PUS7L: variants seen among roughly 807,000 people sequenced by gnomAD.
The protein encoded by PUS7L is pseudouridine synthase 7 like, also known as pseudouridylate synthase PUS7L.
A neutral mutation model predicts 51.1 loss-of-function variants in PUS7L; 49 were observed. The ratio of observed to expected loss-of-function variants is 0.96; its 90% CI spans 0.76 to 1.22. The LOEUF (loss-of-function observed/expected upper bound fraction) is 1.22, where lower values mean the gene tolerates loss of function less well. Ranked by LOEUF, PUS7L falls within the 50% of genes most tolerant of loss-of-function variation. PUS7L has a pLI of 0.00. For missense variants in PUS7L, 828 were observed against 820.6 expected (o/e 1.01, Z -0.11); for synonymous variants, 277 against 276.2 (o/e 1.00, Z -0.03).
At chr12:43,732,707 G>C (rs1944586640) in intron 7 of PUS7L, among the ~76,000 whole-genome samples, 1 of 152,224 alleles carries the variant, frequency 6.6e-6, no homozygotes, top group African/African-American at 2.4e-5. Context: ...ACACGGTACA[G>C]TGTCTAGAGC....
Position 43,736,420 on chromosome 12 carries a change from CA to C in PUS7L, c.1685del (p.Leu562TrpfsTer18), listed in dbSNP as rs2137680357. On this transcript the variant is annotated frameshift_variant, in exon 7 of 9. Transcript: ENST00000344862. LOFTEE classifies it high-confidence loss of function. The stretch of plus-strand genomic sequence containing the variant: ...AATTCTCGTCATCAATGTCTTCATC[CA>C]AACAGACCAAATCACCCTGCACTAC... ...ARVVQGDLVCLDEDIDDENFP... is the reference protein window; with the variant it reads ...ARVVQGDLVCXDEDIDDENFP... 1 of 1,614,134 alleles carries C rather than the reference CA, an allele frequency of 6.2e-7. No individual in the cohort carries two copies. The highest frequency in any genetic ancestry group is 1.1e-5 in the South Asian group (1 of 91,082).
intron 7 of PUS7L, among the ~76,000 whole-genome samples, chr12:43,733,170 C>CCA (rs150731095): frequency 0.17 from 26,092 of 150,968 alleles, 3,359 homozygotes; most frequent in African/African-American, 0.37. Context: ...TCCATCTTGC[C>CCA]CACACACACA....
rs560824732 is a variant in PUS7L at position 43,736,742 on chromosome 12, C to T, written c.1445-81G>A. 1.6e-5 allele frequency: 20 copies of T among 1,282,064 alleles called. 1 individual carries two copies. In the South Asian group the frequency reaches 2.7e-4, roughly 18 times the overall value. 79.4% of individuals were successfully genotyped at this position (1,282,064 alleles called of 1,614,324 possible). A position where few individuals can be genotyped will look rare whatever the true frequency, so the allele number is the denominator to read the frequency against. On this transcript the variant is annotated intron_variant, in intron 6 of 8. Coordinates refer to ENST00000344862, the MANE Select transcript of PUS7L (RefSeq NM_031292.5). ...TAAAGGCTTTTGTTCTAATCTCAAA[C>T]TGAGGCAATGAACATGGGTATTAAG... is the stretch of plus-strand genomic sequence containing the variant.
intron 4 of PUS7L, among the ~76,000 whole-genome samples, chr12:43,744,037 A>T (rs1938044245): frequency 6.6e-6 from 1 of 152,172 alleles, no homozygotes; most frequent in Non-Finnish European, 1.5e-5. Flanking sequence ...GCTAAAACTA[A>T]GATTGTTTCT....
chr12:43,746,183 G>T lies in PUS7L; in HGVS notation c.1126C>A (p.Arg376=), dbSNP rs573099341. The T allele has an allele frequency of 6.7e-7, 1 of 1,500,672 alleles. No individual in the cohort carries two copies. The highest frequency in any genetic ancestry group is 1.2e-5 in the South Asian group (1 of 82,652). 93.0% of individuals were successfully genotyped at this position (1,500,672 alleles called of 1,614,324 possible). Residue 376 remains arginine (R), a synonymous_variant, in exon 4 of 9, where the codon CGG becomes AGG. Coordinates refer to ENST00000344862, the MANE Select transcript of PUS7L (RefSeq NM_031292.5). ...EKKRMNVFNI[R]SVDDSLRLGQ... Reference sequence around the variant, plus strand: ...AGTCTCAGGGAATCATCTACAGACCGAATATTAAAGACATTCATTCTTTTC... The same window carrying T: ...AGTCTCAGGGAATCATCTACAGACCTAATATTAAAGACATTCATTCTTTTC...
At position 43,724,909 on chromosome 12, in the gene PUS7L, T is replaced by C. The variant is rs1944435374; in HGVS notation, c.*5467A>G. On this transcript the variant is annotated 3_prime_UTR_variant, in exon 9 of 9. Transcript: ENST00000344862. ...CCATCACATAAACAGGAAGCCAGAA[T>C]TGATTACCATAAATAAAAGGGAAGA... 1 of 152,194 alleles carries C rather than the reference T, an allele frequency of 6.6e-6. No homozygotes were observed. The highest frequency in any genetic ancestry group is 6.5e-5 in the Admixed American group (1 of 15,276). 9.4% of individuals were successfully genotyped at this position (152,194 alleles called of 1,614,324 possible).
chr12:43,744,538 G>C (rs550637042), intron 4 of PUS7L, among the ~76,000 whole-genome samples: 55 of 152,260 alleles, frequency 3.6e-4, no homozygotes, highest in African/African-American at 1.3e-3. Flanking sequence ...GTTAATTAAA[G>C]CACTTTTCTT....
In PUS7L at chr12:43,754,874, A is replaced by G; in HGVS notation, c.372T>C (p.Val124=). ...TTTTTTCATCCAAAAAGGAGCTTAA[A>G]ACATCAGCTTTTTCTTCACATTTGG... ...GTSKCEEKAD[V]LSSFLDEKTH... Residue 124 remains valine (V), a synonymous_variant, in exon 2 of 9, where the codon GTT becomes GTC. Transcript: ENST00000344862. The G allele has an allele frequency of 6.2e-7, 1 of 1,613,688 alleles. No individual in the cohort carries two copies. Among genetic ancestry groups the G allele is most frequent in the Non-Finnish European group, 8.5e-7 (1 of 1,179,822 alleles).
chr12:43,743,863 C>T (rs980799411), intron 4 of PUS7L, among the ~76,000 whole-genome samples: 1 of 152,044 alleles, frequency 6.6e-6, no homozygotes, highest in Non-Finnish European at 1.5e-5. Context: ...CATAAGATGA[C>T]GTCCTAGAGT....
intron 2 of PUS7L, among the ~76,000 whole-genome samples, chr12:43,753,175 T>G (rs1157610835): frequency 6.6e-6 from 1 of 152,176 alleles, no homozygotes; most frequent in South Asian, 2.1e-4. Context: ...CTGTTAACAC[T>G]TACTATATGC....
At chr12:43,741,130 T>G (rs774291003) in intron 5 of PUS7L, 3 of 152,186 alleles carry the variant, frequency 2.0e-5, no homozygotes, top group Non-Finnish European at 2.9e-5. Flanking sequence ...AAAGCAAAAT[T>G]TTTTAAAAAT....
chr12:43,749,734 C>A (rs1159005472), intron 2 of PUS7L, among the ~76,000 whole-genome samples: 6 of 152,090 alleles, frequency 3.9e-5, no homozygotes, highest in African/African-American at 1.4e-4. Flanking sequence ...GAAAATCATG[C>A]CCTTTGCAGC....
rs778722751 is a variant in PUS7L, at chr12:43,748,339, G to C, written c.1070+111C>G. On this transcript the variant is annotated intron_variant, in intron 3 of 8. Transcript: ENST00000344862. ...AACATGATTTATGAGACACTTTTCT[G>C]AATATAAATGCATATTTGAATGCAG... The C allele has an allele frequency of 1.1e-5, 7 of 629,116 alleles. No homozygotes were observed. The Admixed American group carries it at 2.0e-4, about 18-fold the overall frequency. The allele number at this position is 629,116 out of a possible 1,614,324, so 39.0% of individuals were successfully genotyped here. A position where few individuals can be genotyped will look rare whatever the true frequency, so the allele number is the denominator to read the frequency against.
In PUS7L at chr12:43,754,420, C is replaced by T; in HGVS notation, c.826G>A (p.Val276Ile). The change falls in exon 2 of 9, where the codon GTA (valine) becomes ATA (isoleucine). Residue 276 changes from valine to isoleucine, a missense_variant. Transcript: ENST00000344862. ...GCTTTTTCCCGAAATCTTACTGTTA[C>T]CACCACATTCGGATTACCAGCACTG... ...NCSAGNPNVVVTVRFREKAHK... is the reference protein window; with the variant it reads ...NCSAGNPNVVITVRFREKAHK... The T allele has an allele frequency of 1.2e-6, 2 of 1,613,162 alleles. No individual in the cohort carries two copies. Among genetic ancestry groups the T allele is most frequent in the Non-Finnish European group, 1.7e-6 (2 of 1,179,716 alleles).
Position 43,719,341 on chromosome 12 carries a change from T to A in PUS7L, c.*11035A>T, listed in dbSNP as rs1944369156. Reference sequence around the variant, plus strand: ...GGAATGAATACATGGGTGGTAAAGCTATCAAGAAAAGTAAGAAAAGTATTA... The same window carrying A: ...GGAATGAATACATGGGTGGTAAAGCAATCAAGAAAAGTAAGAAAAGTATTA... On this transcript the variant is annotated 3_prime_UTR_variant, in exon 9 of 9. Transcript: ENST00000344862. 6.6e-6 allele frequency: 1 copy of A among 152,150 alleles called. No individual in the cohort carries two copies. The allele number at this position is 152,150 out of a possible 1,614,324, so 9.4% of individuals were successfully genotyped here.
At position 43,758,770 on chromosome 12, in the gene PUS7L, G is replaced by A; in HGVS notation, c.-57C>T. On this transcript the variant is annotated 5_prime_UTR_variant, in exon 1 of 9. Transcript: ENST00000344862. The stretch of plus-strand genomic sequence containing the variant: ...GGCATTCATTTGCACAACGCTGTGC[G>A]CATGCCCGGAAGCCTTAAGTGTTTC... 4 of 971,780 alleles carry A rather than the reference G, an allele frequency of 4.1e-6. No individual in the cohort carries two copies. Among genetic ancestry groups the A allele is most frequent in the Non-Finnish European group, 4.9e-6 (4 of 818,624 alleles). 60.2% of individuals were successfully genotyped at this position (971,780 alleles called of 1,614,324 possible).
chr12:43,738,434 A>G (rs1937721444), intron 5 of PUS7L, 43 bp from the exon 6 acceptor site: 1 of 1,016,304 alleles, frequency 9.8e-7, no homozygotes, highest in Non-Finnish European at 1.5e-6. Context: ...TGAAAATGTC[A>G]AATTACTTTC....
Position 43,748,399 on chromosome 12 carries a change from A to G in PUS7L, c.1070+51T>C, listed in dbSNP as rs1051602536. Reference sequence around the variant, plus strand: ...TTTAGAAACCATTTAGACAATTTAAATCTTCCACTTCTCAAAGTTTCTATC... The same window carrying G: ...TTTAGAAACCATTTAGACAATTTAAGTCTTCCACTTCTCAAAGTTTCTATC... On this transcript the variant is annotated intron_variant, in intron 3 of 8. Transcript: ENST00000344862. 3.0e-6 allele frequency: 4 copies of G among 1,326,306 alleles called. No homozygotes were observed. The African/African-American group carries it at 4.4e-5, about 15-fold the overall frequency. The allele number at this position is 1,326,306 out of a possible 1,614,324, so 82.2% of individuals were successfully genotyped here.
At chr12:43,745,230 TAAATGTCGGGA>T (rs1470067715) in intron 4 of PUS7L, among the ~76,000 whole-genome samples, 1 of 152,242 alleles carries the variant, frequency 6.6e-6, no homozygotes, top group Non-Finnish European at 1.5e-5. Flanking sequence ...TGTGCACATT[TAAATGTCGGGA>T]AAATGTCATT....
Sources: allele counts gnomAD v4.1 joint callset (sites outside exome capture counted in the v4.1 genomes callset), GRCh38; gene constraint gnomAD v4.1.1; transcripts MANE v1.5; gene names NCBI Gene and HGNC (gene_info 2026-07-23, HGNC 2026-07-21).